Variants in SLC39A14 observed in about 807,000 individuals in gnomAD.
SLC39A14 encodes solute carrier family 39 member 14, also known as metal cation symporter ZIP14.
In SLC39A14, 19 loss-of-function variants were observed where a neutral mutation model predicts 45.5. The observed-to-expected ratio is 0.42, with a 90% confidence interval of 0.29 to 0.61. SLC39A14 has a LOEUF of 0.61. Among genes scored for constraint, SLC39A14 ranks in the 20% least tolerant of loss-of-function variants. The pLI is 0.22. For missense variants in SLC39A14, 447 were observed against 616.5 expected (o/e 0.73, Z 2.91); for synonymous variants, 264 against 251.3 (o/e 1.05, Z -0.48).
chr8:22,397,939 G>A (rs764675978), intron 1 of SLC39A14, among the ~76,000 whole-genome samples: 25 of 152,140 alleles, frequency 1.6e-4, no homozygotes, highest in Non-Finnish European at 3.1e-4. Context: ...TCTTGTGGAC[G>A]GTCATAAGCC....
At chr8:22,390,713 CT>C (rs997252495) in intron 1 of SLC39A14, 16 of 147,264 alleles carry the variant, frequency 1.1e-4, no homozygotes, top group South Asian at 2.1e-4. Flanking sequence ...AAATTTTTAA[CT>C]TTTTTTTTTT....
At chr8:22,370,559 G>T (rs748948450) in intron 1 of SLC39A14, among the ~76,000 whole-genome samples, 2 of 152,146 alleles carry the variant, frequency 1.3e-5, no homozygotes, top group African/African-American at 2.4e-5. Context: ...GAGGTGAATT[G>T]GTATTCCCGA....
intron 1 of SLC39A14, chr8:22,379,291 C>G (rs1194573163): frequency 6.6e-6 from 1 of 152,216 alleles, no homozygotes; most frequent in Non-Finnish European, 1.5e-5. Flanking sequence ...AATAAAGTCA[C>G]TTTCTGAGAT....
At position 22,421,810 on chromosome 8, in the gene SLC39A14, G is replaced by C; in HGVS notation, c.*2112G>C. Reference sequence around the variant, plus strand: ...TAGAGTTAGTGGATTTCTAGTTTAGGAGAGGAGCTCAAAACTATAATCTTT... The same window carrying C: ...TAGAGTTAGTGGATTTCTAGTTTAGCAGAGGAGCTCAAAACTATAATCTTT... On this transcript the variant is annotated 3_prime_UTR_variant, in exon 9 of 9. Coordinates refer to ENST00000381237, the MANE Select transcript of SLC39A14 (RefSeq NM_001128431.4). 2.0e-6 allele frequency: 2 copies of C among 984,738 alleles called. No homozygotes were observed. The highest frequency in any genetic ancestry group is 2.4e-6 in the Non-Finnish European group (2 of 829,314). The allele number at this position is 984,738 out of a possible 1,614,324, so 61.0% of individuals were successfully genotyped here.
chr8:22,376,340 T>TC, intron 1 of SLC39A14, among the ~76,000 whole-genome samples: 1 of 150,014 alleles, frequency 6.7e-6, no homozygotes, highest in East Asian at 2.0e-4. Context: ...CCTAATTTTT[T>TC]TTTTTTTTTT....
chr8:22,368,837 A>G (rs1832786222), intron 1 of SLC39A14, among the ~76,000 whole-genome samples: 1 of 152,078 alleles, frequency 6.6e-6, no homozygotes, highest in African/African-American at 2.4e-5. Context: ...TGCCCGGCCT[A>G]TCCTTACCTC....
At position 22,421,023 on chromosome 8, in the gene SLC39A14, C is replaced by T. The variant is rs141830169; in HGVS notation, c.*1325C>T. The T allele has an allele frequency of 4.7e-3, 4,677 of 985,834 alleles. 12 individuals are homozygous for T. The highest frequency in any genetic ancestry group is 5.2e-3 in the Non-Finnish European group (4,288 of 829,926). The allele number at this position is 985,834 out of a possible 1,614,324, so 61.1% of individuals were successfully genotyped here. ...TTAGCCACTGTGGAGCCCTTGCCTC[C>T]GAGCTCTGGCTTCAAGGGGAGCTCT... On this transcript the variant is annotated 3_prime_UTR_variant, in exon 9 of 9. Transcript: ENST00000381237.
chr8:22,412,682 A>G (rs901011487), intron 4 of SLC39A14, among the ~76,000 whole-genome samples: 5 of 152,150 alleles, frequency 3.3e-5, no homozygotes, highest in African/African-American at 9.7e-5. Context: ...AGTGGCTCAC[A>G]CCTATATTCC....
At chr8:22,407,797 A>C (rs1483718081) in intron 2 of SLC39A14, among the ~76,000 whole-genome samples, 1 of 151,560 alleles carries the variant, frequency 6.6e-6, no homozygotes, top group Non-Finnish European at 1.5e-5. Context: ...TGTAGCCTCC[A>C]ACTCCTGGGC....
chr8:22,394,387 T>G (rs1478729015), intron 1 of SLC39A14, among the ~76,000 whole-genome samples: 3 of 150,406 alleles, frequency 2.0e-5, no homozygotes, highest in African/African-American at 7.4e-5. Context: ...TGCAGTGATC[T>G]CGGCTCACTA....
chr8:22,404,443 C>T (rs544762483), intron 1 of SLC39A14: 4 of 244,332 alleles, frequency 1.6e-5, no homozygotes, highest in Non-Finnish European at 3.0e-5. Context: ...AAAAAAAAAT[C>T]ATAACCGCAT....
rs1011759361 is a variant in SLC39A14, at chr8:22,421,686, A to G, written c.*1988A>G. 8.1e-6 allele frequency: 8 copies of G among 984,966 alleles called. No homozygotes were observed. The highest frequency in any genetic ancestry group is 9.6e-6 in the Non-Finnish European group (8 of 829,202). The allele number at this position is 984,966 out of a possible 1,614,324, so 61.0% of individuals were successfully genotyped here. ...ACTCTGGAAGATTTTGCTTTAACCT[A>G]ACTCGCATTGATGTATTAAATTTAT... On this transcript the variant is annotated 3_prime_UTR_variant, in exon 9 of 9. Coordinates refer to ENST00000381237, the MANE Select transcript of SLC39A14 (RefSeq NM_001128431.4).
chr8:22,421,591 C>A lies in SLC39A14; in HGVS notation c.*1893C>A. The A allele has an allele frequency of 1.0e-6, 1 of 985,644 alleles. No homozygotes were observed. The highest frequency in any genetic ancestry group is 1.2e-6 in the Non-Finnish European group (1 of 829,776). The allele number at this position is 985,644 out of a possible 1,614,324, so 61.1% of individuals were successfully genotyped here. On this transcript the variant is annotated 3_prime_UTR_variant, in exon 9 of 9. Coordinates refer to ENST00000381237, the MANE Select transcript of SLC39A14 (RefSeq NM_001128431.4). Reference sequence around the variant, plus strand: ...TTATTATTGTTGTTTTTAAACGGTTCTTTGTCTTTTCTGTTTTATTTTTCT... The same window carrying A: ...TTATTATTGTTGTTTTTAAACGGTTATTTGTCTTTTCTGTTTTATTTTTCT...
intron 1 of SLC39A14, among the ~76,000 whole-genome samples, chr8:22,399,364 T>C (rs924077834): frequency 1.3e-5 from 2 of 152,210 alleles, no homozygotes; most frequent in Non-Finnish European, 2.9e-5. Context: ...AAGACAAGAC[T>C]CCACTGGAGC....
rs1028460138 is a variant in SLC39A14 at position 22,393,238 on chromosome 8, G to C, written c.-15-11458G>C. The C allele has an allele frequency of 1.8e-5, 18 of 985,852 alleles. 1 individual carries two copies. The highest frequency in any genetic ancestry group is 2.2e-5 in the Non-Finnish European group (18 of 830,070). The allele number at this position is 985,852 out of a possible 1,614,324, so 61.1% of individuals were successfully genotyped here. A position where few individuals can be genotyped will look rare whatever the true frequency, so the allele number is the denominator to read the frequency against. ...AGATAATGCATCCTTTCAGGGTATG[G>C]AGGAGAGCAGTAGGTGGGAGGGCAA... On this transcript the variant is annotated intron_variant, in intron 1 of 8. Coordinates refer to ENST00000381237, the MANE Select transcript of SLC39A14 (RefSeq NM_001128431.4).
At chr8:22,393,614 A>G (rs1295237500) in intron 1 of SLC39A14, among the ~76,000 whole-genome samples, 1 of 152,180 alleles carries the variant, frequency 6.6e-6, no homozygotes. Context: ...TTAATCAAGC[A>G]TTTGTAAAAC....
chr8:22,421,013 C>A lies in SLC39A14; in HGVS notation c.*1315C>A, dbSNP rs1459161942. On this transcript the variant is annotated 3_prime_UTR_variant, in exon 9 of 9. Transcript: ENST00000381237. ...TAGGCCAGCCTTAGCCACTGTGGAGCCCTTGCCTCCGAGCTCTGGCTTCAA... is the reference window on the plus strand; with the variant it reads ...TAGGCCAGCCTTAGCCACTGTGGAGACCTTGCCTCCGAGCTCTGGCTTCAA... 7 of 985,756 alleles carry A rather than the reference C, an allele frequency of 7.1e-6. No individual in the cohort carries two copies. The South Asian group carries it at 2.8e-4, about 40-fold the overall frequency. The allele number at this position is 985,756 out of a possible 1,614,324, so 61.1% of individuals were successfully genotyped here.
intron 1 of SLC39A14, chr8:22,393,096 G>C (rs1245500858): frequency 2.4e-6 from 1 of 412,964 alleles, no homozygotes; most frequent in African/African-American, 2.2e-5. Flanking sequence ...GTTTCACAAG[G>C]AGAGTGAGTG....
intron 1 of SLC39A14, among the ~76,000 whole-genome samples, chr8:22,374,439 C>T (rs1341258677): frequency 6.6e-6 from 1 of 152,006 alleles, no homozygotes; most frequent in Non-Finnish European, 1.5e-5. Context: ...GAGGGAGTGG[C>T]AGGAGGTGAC....
Sources: allele counts gnomAD v4.1 joint callset (sites outside exome capture counted in the v4.1 genomes callset), GRCh38; gene constraint gnomAD v4.1.1; transcripts MANE v1.5; gene names NCBI Gene and HGNC (gene_info 2026-07-23, HGNC 2026-07-21).